ICA1: variants seen among roughly 807,000 people sequenced by gnomAD.
ICA1 encodes the protein islet cell autoantigen 1, also known as 69 kDa islet cell autoantigen.
Under a neutral mutation model 71.0 loss-of-function variants are expected in ICA1, and 40 were observed. That is an observed-to-expected ratio of 0.56 (90% CI 0.44 to 0.73). The LOEUF (loss-of-function observed/expected upper bound fraction) is 0.73, where lower values mean the gene tolerates loss of function less well. Ranked by LOEUF, ICA1 falls within the 30% of genes least tolerant of loss-of-function variation. The probability of loss-of-function intolerance (pLI) is 0.00; values close to 1 mark genes in which losing one functional copy is unlikely to be tolerated. For missense variants in ICA1, 578 were observed against 576.5 expected (o/e 1.00, Z -0.03); for synonymous variants, 207 against 209.5 (o/e 0.99, Z 0.10).
At chr7:8,134,587 C>T (rs996429156) in intron 12 of ICA1, among the ~76,000 whole-genome samples, 19 of 152,162 alleles carry the variant, frequency 1.2e-4, no homozygotes, top group African/African-American at 3.4e-4. Context: ...AAAGGCCACA[C>T]GCTTGCAGTA....
chr7:8,168,035 A>G (rs62433162), intron 6 of ICA1, among the ~76,000 whole-genome samples: 19,537 of 152,004 alleles, frequency 0.13, 1,525 homozygotes, highest in East Asian at 0.29. Context: ...AAAGAGGGAG[A>G]GAGAGAGAGA....
intron 6 of ICA1, among the ~76,000 whole-genome samples, chr7:8,168,826 A>T (rs1807140799): frequency 6.6e-6 from 1 of 152,034 alleles, no homozygotes; most frequent in Non-Finnish European, 1.5e-5. Context: ...TGATGCCTCT[A>T]TTTCCTTCAT....
At position 8,132,631 on chromosome 7, in the gene ICA1, A is replaced by G. The variant is rs1210577302; in HGVS notation, c.1061-4489T>C. On this transcript the variant is annotated intron_variant, in intron 12 of 13. Transcript: ENST00000402384. This position sits in a 1 kb window ranked among gnomAD's most constrained non-coding sequence, Gnocchi z 4.5. ...ATGCTGCTATCTCCTGGGAGTCCCC[A>G]TGAGGCGGCTCTCTCGGATGACCTC... Among the ~76,000 whole-genome samples, 1 of 152,144 alleles carries G rather than the reference A, an allele frequency of 6.6e-6. No homozygotes were observed. The highest frequency in any genetic ancestry group is 2.4e-5 in the African/African-American group (1 of 41,426).
At chr7:8,235,355 C>T (rs1801523337) in intron 2 of ICA1, among the ~76,000 whole-genome samples, 1 of 152,096 alleles carries the variant, frequency 6.6e-6, no homozygotes, top group Non-Finnish European at 1.5e-5. Flanking sequence ...ACATGCTGCT[C>T]AGATATGTTA....
intron 1 of ICA1, among the ~76,000 whole-genome samples, chr7:8,237,123 A>G (rs1430692511): frequency 6.6e-6 from 1 of 152,232 alleles, no homozygotes; most frequent in African/African-American, 2.4e-5. Flanking sequence ...TGCCTCTGAT[A>G]TGACAGCATC....
intron 1 of ICA1, among the ~76,000 whole-genome samples, chr7:8,249,512 C>T (rs1807396257): frequency 6.6e-6 from 1 of 152,206 alleles, no homozygotes; most frequent in Non-Finnish European, 1.5e-5. Flanking sequence ...CTGTTTATTT[C>T]ACACTCGGTG....
At chr7:8,217,820 G>A (rs1795866051) in intron 6 of ICA1, among the ~76,000 whole-genome samples, 1 of 152,134 alleles carries the variant, frequency 6.6e-6, no homozygotes, top group Non-Finnish European at 1.5e-5. Context: ...ATTTTCCTCA[G>A]AAAAATTTCT....
chr7:8,152,463 C>T (rs1325278208), intron 8 of ICA1, among the ~76,000 whole-genome samples: 4 of 151,742 alleles, frequency 2.6e-5, no homozygotes, highest in Non-Finnish European at 4.4e-5. Context: ...ACTGCCACCA[C>T]CATCGCAACA....
At chr7:8,158,309 T>TAA in intron 7 of ICA1, 1 of 530,042 alleles carries the variant, frequency 1.9e-6, no homozygotes, top group Non-Finnish European at 3.3e-6. Context: ...CATAAGTAAA[T>TAA]GTACAGAAGT....
intron 6 of ICA1, among the ~76,000 whole-genome samples, chr7:8,216,501 G>A (rs996293027): frequency 2.0e-5 from 3 of 149,788 alleles, no homozygotes; most frequent in Admixed American, 6.7e-5. Flanking sequence ...AATGGGTAAT[G>A]TTTCAACACT....
At chr7:8,239,008 T>C (rs1353311108) in intron 1 of ICA1, among the ~76,000 whole-genome samples, 9 of 152,156 alleles carry the variant, frequency 5.9e-5, no homozygotes, top group African/African-American at 2.2e-4. Flanking sequence ...ACAGGGAAAA[T>C]ATTTTTGGAA....
At chr7:8,186,607 T>C (rs1345101698) in intron 6 of ICA1, among the ~76,000 whole-genome samples, 1 of 152,088 alleles carries the variant, frequency 6.6e-6, no homozygotes, top group Non-Finnish European at 1.5e-5. Flanking sequence ...TGATGAGATT[T>C]TGAAACCAAA....
At chr7:8,140,714 C>A (rs113838412) in intron 10 of ICA1, among the ~76,000 whole-genome samples, 2 of 152,252 alleles carry the variant, frequency 1.3e-5, no homozygotes, top group South Asian at 2.1e-4. Context: ...AGTACTTGTA[C>A]GTGAAGGTGT....
intron 1 of ICA1, among the ~76,000 whole-genome samples, chr7:8,258,158 C>A (rs1209185196): frequency 6.6e-6 from 1 of 152,142 alleles, no homozygotes; most frequent in Non-Finnish European, 1.5e-5. Flanking sequence ...CTTGCTTTCC[C>A]TGAAAGGCAA....
chr7:8,202,093 A>G (rs1198714464), intron 6 of ICA1, among the ~76,000 whole-genome samples: 2 of 152,234 alleles, frequency 1.3e-5, no homozygotes, highest in African/African-American at 4.8e-5. Context: ...TTAAAACAGT[A>G]CAGAGGAAGC....
intron 10 of ICA1, 147 bp downstream of exon 10, chr7:8,141,618 G>C (rs1317038099): frequency 1.0e-5 from 6 of 577,196 alleles, no homozygotes; most frequent in African/African-American, 1.9e-5. Flanking sequence ...TGAACATTTA[G>C]AACTGAGTCT....
rs938443270 is a variant in ICA1, at chr7:8,130,312, C to A, written c.1061-2170G>T. ...CCTGCACATGGTGGGCGAGGCAGGA[C>A]TGTAAGGTCAGGCAGGTGGCCCACC... is the stretch of plus-strand genomic sequence containing the variant. On this transcript the variant is annotated intron_variant, in intron 12 of 13. Transcript: ENST00000402384. The surrounding 1 kb of genome is among the most constrained non-coding windows in gnomAD (Gnocchi z 4.2). Among the ~76,000 whole-genome samples, 2 of 152,080 alleles carry A rather than the reference C, an allele frequency of 1.3e-5. No homozygotes were observed. Among genetic ancestry groups the A allele is most frequent in the African/African-American group, 4.8e-5 (2 of 41,348 alleles).
At chr7:8,243,622 T>C (rs994912749) in intron 1 of ICA1, among the ~76,000 whole-genome samples, 2 of 152,172 alleles carry the variant, frequency 1.3e-5, no homozygotes, top group Non-Finnish European at 2.9e-5. Context: ...AGAAGAAGTC[T>C]AATTGTCCCT....
intron 6 of ICA1, among the ~76,000 whole-genome samples, chr7:8,180,686 G>A (rs1781936691): frequency 6.6e-6 from 1 of 152,030 alleles, no homozygotes; most frequent in Admixed American, 6.6e-5. Context: ...CATTGGGTGG[G>A]TTTTATTTAC....
Sources: allele counts gnomAD v4.1 joint callset (sites outside exome capture counted in the v4.1 genomes callset), GRCh38; gene constraint gnomAD v4.1.1; non-coding constraint Gnocchi (gnomAD v3.1); transcripts MANE v1.5; gene names NCBI Gene and HGNC (gene_info 2026-07-23, HGNC 2026-07-21).